The following MTAP variants were observed in gnomAD, a reference collection of about 807,000 sequenced individuals.
The protein encoded by MTAP is S-methyl-5'-thioadenosine phosphorylase.
In MTAP, 33 loss-of-function variants were observed where a neutral mutation model predicts 33.6. The observed-to-expected ratio is 0.98, with a 90% CI of 0.74 to 1.31. MTAP has a LOEUF of 1.31. Among genes scored for constraint, MTAP ranks in the 40% most tolerant of loss-of-function variants. The pLI, the probability that MTAP is intolerant of heterozygous loss-of-function variation, is 0.00. For synonymous variants in MTAP, 148 were observed against 125.7 expected (o/e 1.18, Z -1.19); for missense variants, 367 against 360.0 (o/e 1.02, Z -0.16).
intron 1 of MTAP, among the ~76,000 whole-genome samples, chr9:21,916,085 A>AAGGAAGGAAGGAAGGG (rs1818684694): frequency 7.4e-6 from 1 of 134,868 alleles, no homozygotes; most frequent in Admixed American, 7.2e-5. Flanking sequence ...GAAGGAAAGG[A>AAGGAAGGAAGGAAGGG]AGGAAGGAAG....
Position 21,864,797 on chromosome 9 carries a change from C to T in MTAP, c.*2783C>T. On this transcript the variant is annotated 3_prime_UTR_variant, in exon 8 of 8. Coordinates refer to ENST00000644715, the MANE Select transcript of MTAP (RefSeq NM_002451.4). Reference sequence around the variant, plus strand: ...AACCTGCCCTGAGCCAGCTGCCCTGCAGGTGCCACGTGAGCCTGCTCTGGC... The same window carrying T: ...AACCTGCCCTGAGCCAGCTGCCCTGTAGGTGCCACGTGAGCCTGCTCTGGC... The T allele has an allele frequency of 1.0e-6, 1 of 985,488 alleles. No individual in the cohort carries two copies. Among genetic ancestry groups the T allele is most frequent in the Non-Finnish European group, 1.2e-6 (1 of 829,986 alleles). 61.0% of individuals were successfully genotyped at this position (985,488 alleles called of 1,614,324 possible).
At position 21,922,622 on chromosome 9, in the gene MTAP, C is replaced by T. The variant is rs1818805376; in HGVS notation, c.148-8386C>T. Among the ~76,000 whole-genome samples, 1 of 152,182 alleles carries T rather than the reference C, an allele frequency of 6.6e-6. No homozygotes were observed. The highest frequency in any genetic ancestry group is 2.4e-5 in the African/African-American group (1 of 41,442). ...TGATGCCACATGGCTTGGATACGTTCCCCAGTGGTAAGAAATCTCTATGCC... is the reference window on the plus strand; with the variant it reads ...TGATGCCACATGGCTTGGATACGTTTCCCAGTGGTAAGAAATCTCTATGCC... On this transcript the variant is annotated intron_variant, in intron 1 of 1. Transcript: ENST00000577563. This position sits in a 1 kb window ranked among gnomAD's most constrained non-coding sequence, Gnocchi z 4.8.
At chr9:21,920,789 T>C (rs1244536227) in intron 1 of MTAP, among the ~76,000 whole-genome samples, 1 of 152,228 alleles carries the variant, frequency 6.6e-6, no homozygotes, top group Non-Finnish European at 1.5e-5. Flanking sequence ...CTAAATGATC[T>C]TTTTAATGTG....
intron 4 of MTAP, among the ~76,000 whole-genome samples, chr9:21,835,887 C>T (rs958592757): frequency 4.6e-5 from 7 of 152,128 alleles, no homozygotes; most frequent in Non-Finnish European, 7.4e-5. Context: ...AAGTTGATGA[C>T]GCAGAAAACT....
chr9:21,933,590 TA>T (rs1818997779), downstream of MTAP: 1 of 152,270 alleles, frequency 6.6e-6, no homozygotes, highest in Middle Eastern at 3.4e-3. Context: ...ATTGAGCAAA[TA>T]AAAAAATCTT....
At chr9:21,857,199 T>A (rs1039521799) in intron 6 of MTAP, among the ~76,000 whole-genome samples, 1 of 151,768 alleles carries the variant, frequency 6.6e-6, no homozygotes, top group Non-Finnish European at 1.5e-5. Flanking sequence ...AGAAGGGAGG[T>A]CAGTGTCTAT....
intron 1 of MTAP, among the ~76,000 whole-genome samples, chr9:21,918,298 A>G (rs10811637): frequency 1.5e-5 from 2 of 130,178 alleles, no homozygotes; most frequent in African/African-American, 7.1e-5. Flanking sequence ...TGCAGTGAGC[A>G]GAGATCCCGC....
At chr9:21,884,454 CTG>C (rs1818074244) in intron 1 of MTAP, among the ~76,000 whole-genome samples, 1 of 152,188 alleles carries the variant, frequency 6.6e-6, no homozygotes, top group South Asian at 2.1e-4. Flanking sequence ...AAGCAAGACA[CTG>C]TATAATACAA....
intron 1 of MTAP, among the ~76,000 whole-genome samples, chr9:21,917,340 G>A (rs28510428): frequency 0.041 from 6,283 of 152,262 alleles, 358 homozygotes; most frequent in African/African-American, 0.13. Context: ...ATGGCACAAG[G>A]TTGAAAGAGA....
At chr9:21,930,044 C>G (rs958876865) in intron 1 of MTAP, 8 of 416,520 alleles carry the variant, frequency 1.9e-5, no homozygotes, top group Non-Finnish European at 3.8e-5. Flanking sequence ...CCAGCAATGC[C>G]CAAGCTCATG....
intron 4 of MTAP, 115 bp downstream of exon 4, chr9:21,818,317 CTTTT>C (rs35709813): frequency 0.028 from 6,657 of 235,120 alleles, 227 homozygotes; most frequent in South Asian, 0.034. Context: ...GACTCGCTTG[CTTTT>C]TTTTTTTTTT....
chr9:21,928,381 TC>T (rs1818901275), intron 1 of MTAP, among the ~76,000 whole-genome samples: 1 of 152,070 alleles, frequency 6.6e-6, no homozygotes, highest in Admixed American at 6.5e-5. Flanking sequence ...ATAAGTCAAA[TC>T]CAAAGGAGAG....
rs1587261356 is a variant in MTAP, at chr9:21,865,944, T to A, written c.*3930T>A. ...TGAATTTTTTCCATTTGAGGAATTT[T>A]ATGAATAAAGCTGCTATAAGCATGA... On this transcript the variant is annotated 3_prime_UTR_variant, in exon 8 of 8. Transcript: ENST00000644715. The A allele has an allele frequency of 3.0e-6, 1 of 331,510 alleles. No homozygotes were observed. The highest frequency in any genetic ancestry group is 1.7e-4 in the East Asian group (1 of 5,892). 20.5% of individuals were successfully genotyped at this position (331,510 alleles called of 1,614,324 possible).
downstream of MTAP, among the ~76,000 whole-genome samples, chr9:21,867,407 C>G (rs928934162): frequency 6.6e-6 from 1 of 152,052 alleles, no homozygotes; most frequent in Non-Finnish European, 1.5e-5. Context: ...TCACCAAGTA[C>G]TTTTTCCTGC....
intron 5 of MTAP, among the ~76,000 whole-genome samples, chr9:21,840,809 G>C (rs919722941): frequency 1.3e-5 from 2 of 152,230 alleles, no homozygotes; most frequent in Admixed American, 1.3e-4. Flanking sequence ...AGGAGCTGCT[G>C]CTGATGGAGT....
chr9:21,853,707 G>A (rs573229580), intron 5 of MTAP, among the ~76,000 whole-genome samples: 22 of 152,088 alleles, frequency 1.4e-4, no homozygotes, highest in Non-Finnish European at 2.5e-4. Context: ...TGTTTACAGC[G>A]CACCTGGCAT....
intron 1 of MTAP, among the ~76,000 whole-genome samples, chr9:21,916,337 T>C (rs1325895640): frequency 6.6e-6 from 1 of 152,086 alleles, no homozygotes; most frequent in African/African-American, 2.4e-5. Context: ...TAGCTGGGCA[T>C]GGTGGCTCAC....
downstream of MTAP, among the ~76,000 whole-genome samples, chr9:21,940,304 A>G (rs1819115987): frequency 6.6e-6 from 1 of 152,212 alleles, no homozygotes; most frequent in African/African-American, 2.4e-5. Flanking sequence ...ATGAATCACT[A>G]TTCTTACTAT....
intron 1 of MTAP, among the ~76,000 whole-genome samples, chr9:21,872,174 A>G (rs10125945): frequency 0.07 from 10,696 of 152,178 alleles, 1,032 homozygotes; most frequent in African/African-American, 0.22. Context: ...TTAAACAGGC[A>G]TGATGGTAGG....
Sources: gnomAD v4.1 joint callset for allele counts (sites outside exome capture counted in the v4.1 genomes callset) on GRCh38, gnomAD v4.1.1 for gene constraint, Gnocchi (gnomAD v3.1) non-coding constraint, MANE v1.5 for transcripts, NCBI Gene and HGNC (gene_info 2026-07-23, HGNC 2026-07-21) for gene names.